The following ARID1B variants were observed in gnomAD, a reference collection of about 807,000 sequenced individuals.
ARID1B encodes AT-rich interaction domain 1B.
Under a neutral mutation model 212.3 loss-of-function variants are expected in ARID1B, and 30 were observed. The ratio of observed to expected loss-of-function variants is 0.14; its 90% CI spans 0.11 to 0.19. The LOEUF is 0.19. Ranked by LOEUF, ARID1B falls within the 10% of genes least tolerant of loss-of-function variation. The probability of loss-of-function intolerance (pLI) is 1.00; values close to 1 mark genes in which losing one functional copy is unlikely to be tolerated. For missense variants in ARID1B, 2,891 were observed against 3,204.0 expected (o/e 0.90, Z 2.36); for synonymous variants, 1,402 against 1,301.7 (o/e 1.08, Z -1.66).
intron 3 of ARID1B, among the ~76,000 whole-genome samples, chr6:156,904,332 T>C (rs1415914967): frequency 2.0e-5 from 3 of 152,226 alleles, no homozygotes; most frequent in Admixed American, 6.5e-5. Flanking sequence ...CCCTCATTCA[T>C]TTTTATAGCT....
At chr6:157,121,406 T>G (rs9384527) in intron 6 of ARID1B, among the ~76,000 whole-genome samples, 45,556 of 151,978 alleles carry the variant, frequency 0.3, 7,779 homozygotes, top group African/African-American at 0.48. Context: ...TTTTGAAAAT[T>G]TCTAAAGTTA....
intron 7 of ARID1B, among the ~76,000 whole-genome samples, chr6:157,137,577 C>T (rs1194521212): frequency 6.6e-6 from 1 of 152,220 alleles, no homozygotes; most frequent in East Asian, 1.9e-4. Flanking sequence ...ATGTCTATCA[C>T]ACTGACTATC....
At chr6:157,046,475 C>T (rs1782252800) in intron 4 of ARID1B, among the ~76,000 whole-genome samples, 1 of 152,108 alleles carries the variant, frequency 6.6e-6, no homozygotes, top group South Asian at 2.1e-4. Context: ...CTGTAAGTCC[C>T]ATTGTGAGGT....
chr6:157,125,921 C>G (rs1225391367), intron 6 of ARID1B, among the ~76,000 whole-genome samples: 1 of 152,126 alleles, frequency 6.6e-6, no homozygotes, highest in Non-Finnish European at 1.5e-5. Context: ...TTATTTTTCC[C>G]TATTGATAGG....
Position 157,190,713 on chromosome 6 carries a change from G to T in ARID1B, c.4231+503G>T, listed in dbSNP as rs1793299531. 6.6e-6 allele frequency among the ~76,000 whole-genome samples: 1 copy of T among 152,206 alleles called. No individual in the cohort carries two copies. Among genetic ancestry groups the T allele is most frequent in the Non-Finnish European group, 1.5e-5 (1 of 68,038 alleles). On this transcript the variant is annotated intron_variant, in intron 15 of 19. Coordinates refer to ENST00000636930, the MANE Select transcript of ARID1B (RefSeq NM_001374828.1). The surrounding 1 kb of genome is among the most constrained non-coding windows in gnomAD (Gnocchi z 4.6). ...ACCTTCAGGGAATCACAGACTCCCT[G>T]CCTTCTTACTTCCTGGGAGGAAGCA...
intron 8 of ARID1B, among the ~76,000 whole-genome samples, chr6:157,161,445 A>C (rs1474728393): frequency 6.7e-6 from 1 of 148,304 alleles, no homozygotes; most frequent in African/African-American, 2.6e-5. Flanking sequence ...ATATATATAT[A>C]TATATATATT....
At chr6:157,173,971 C>T in intron 9 of ARID1B, 37 bp from the exon 10 acceptor site, 3 of 1,560,864 alleles carry the variant, frequency 1.9e-6, no homozygotes, top group South Asian at 1.1e-5. Context: ...ACGAATCACA[C>T]ATATAATCCT....
At chr6:156,938,815 C>T (rs192627462) in intron 4 of ARID1B, 5 of 152,300 alleles carry the variant, frequency 3.3e-5, no homozygotes, top group Admixed American at 6.5e-5. Context: ...AAGTTGTCCT[C>T]ACTGTTGTGT....
At chr6:156,994,933 C>T (rs371866807) in intron 4 of ARID1B, among the ~76,000 whole-genome samples, 25 of 152,344 alleles carry the variant, frequency 1.6e-4, no homozygotes, top group African/African-American at 6.0e-4. Flanking sequence ...TCTTACTGTC[C>T]TCCCCTGTCA....
At position 157,174,075 on chromosome 6, in the gene ARID1B, C is replaced by T. The variant is rs147853607; in HGVS notation, c.3303C>T (p.Asp1101=). 386 of 1,614,124 alleles carry T rather than the reference C, an allele frequency of 2.4e-4. No individual in the cohort carries two copies. The highest frequency in any genetic ancestry group is 4.7e-4 in the Admixed American group (28 of 60,022). The stretch of plus-strand genomic sequence containing the variant: ...AACTGCCCCTGCCTCTCAAAGCAGA[C>T]GGCAAAGAAGAAGGCACTCCACAGC... The part of the protein sequence containing the change: ...ESKLPLPLKA[D]GKEEGTPQPE... The change falls in exon 10 of 20, where the codon GAC becomes GAT. Residue 1101 remains aspartate, a synonymous_variant. Coordinates refer to ENST00000636930, the MANE Select transcript of ARID1B (RefSeq NM_001374828.1).
At chr6:156,850,568 A>G (rs184033019) in intron 2 of ARID1B, among the ~76,000 whole-genome samples, 28 of 152,338 alleles carry the variant, frequency 1.8e-4, no homozygotes, top group African/African-American at 6.7e-4. Flanking sequence ...GTAATTTTTA[A>G]TGATCACAGA....
At chr6:156,975,750 T>A (rs777802811) in intron 4 of ARID1B, among the ~76,000 whole-genome samples, 1 of 152,154 alleles carries the variant, frequency 6.6e-6, no homozygotes, top group Non-Finnish European at 1.5e-5. Context: ...AAGATTTTTC[T>A]CCTCTTCCCC....
intron 4 of ARID1B, among the ~76,000 whole-genome samples, chr6:156,969,822 C>A (rs1776794108): frequency 1.3e-5 from 2 of 151,306 alleles, no homozygotes; most frequent in Admixed American, 1.3e-4. Flanking sequence ...AAGACACTGT[C>A]TAGTAACTTA....
At chr6:156,806,219 G>C (rs565959293) in intron 1 of ARID1B, among the ~76,000 whole-genome samples, 1 of 152,132 alleles carries the variant, frequency 6.6e-6, no homozygotes, top group Admixed American at 6.5e-5. Flanking sequence ...ATAAACTCAC[G>C]TTCAGCACAT....
chr6:156,816,186 A>C (rs2127999163), intron 1 of ARID1B, among the ~76,000 whole-genome samples: 1 of 152,354 alleles, frequency 6.6e-6, no homozygotes, highest in Middle Eastern at 3.4e-3. Flanking sequence ...TTCAGAAGTC[A>C]CTTGGAATAG....
At chr6:157,166,934 A>G (rs1791364674) in intron 8 of ARID1B, 106 bp from the exon 9 acceptor site, 4 of 1,436,398 alleles carry the variant, frequency 2.8e-6, no homozygotes, top group South Asian at 2.8e-5. Context: ...ATGAAAAGTT[A>G]TAGCCCCACC....
chr6:157,186,924 G>A (rs1402737891), intron 13 of ARID1B, among the ~76,000 whole-genome samples: 1 of 152,184 alleles, frequency 6.6e-6, no homozygotes, highest in African/African-American at 2.4e-5. Flanking sequence ...CTTCAATTCT[G>A]TCAGCCTCTG....
intron 4 of ARID1B, among the ~76,000 whole-genome samples, chr6:157,040,910 T>C (rs2097175425): frequency 6.6e-6 from 1 of 152,388 alleles, no homozygotes. Flanking sequence ...CCCGTGGTTT[T>C]AGTTTTTTCC....
At position 157,203,601 on chromosome 6, in the gene ARID1B, T is replaced by C. The variant is rs945934864; in HGVS notation, c.5264-265T>C. ...AACCCGGCCATGAGAAAGGACCATC[T>C]GTGCTCAACCACTCCACCTCCAGAA... On this transcript the variant is annotated intron_variant, in intron 18 of 19. Coordinates refer to ENST00000636930, the MANE Select transcript of ARID1B (RefSeq NM_001374828.1). The surrounding 1 kb of genome is among the most constrained non-coding windows in gnomAD (Gnocchi z 4.4). 6 of 427,788 alleles carry C rather than the reference T, an allele frequency of 1.4e-5. No homozygotes were observed. Among genetic ancestry groups the C allele is most frequent in the African/African-American group, 4.0e-5 (2 of 50,380 alleles). The allele number at this position is 427,788 out of a possible 1,614,324, so 26.5% of individuals were successfully genotyped here.
Sources: allele counts gnomAD v4.1 joint callset (sites outside exome capture counted in the v4.1 genomes callset), GRCh38; gene constraint gnomAD v4.1.1; non-coding constraint Gnocchi (gnomAD v3.1); transcripts MANE v1.5; gene names NCBI Gene and HGNC (gene_info 2026-07-23, HGNC 2026-07-21).